AMMECR1: variants seen among roughly 807,000 people sequenced by gnomAD.
AMMECR1 encodes the protein nuclear protein AMMECR1.
Under a neutral mutation model 22.5 loss-of-function variants are expected in AMMECR1, and 3 were observed. The observed-to-expected ratio is 0.13, with a 90% CI of 0.06 to 0.35. The LOEUF is 0.35. Among genes scored for constraint, AMMECR1 ranks in the 10% least tolerant of loss-of-function variants. AMMECR1 has a pLI of 1.00. For synonymous variants in AMMECR1, 130 were observed against 116.7 expected (o/e 1.11, Z -0.74); for missense variants, 235 against 278.7 (o/e 0.84, Z 1.12).
At chrX:110,324,685 T>A (rs1278841471) in intron 2 of AMMECR1, among the ~76,000 whole-genome samples, 2 of 109,192 alleles carry the variant, frequency 1.8e-5, no homozygotes, top group Non-Finnish European at 3.8e-5. Context: ...ACAGGTTGGA[T>A]TTTTTGTCAA....
intron 2 of AMMECR1, among the ~76,000 whole-genome samples, chrX:110,397,977 C>T (rs1456166355): frequency 1.8e-5 from 2 of 112,324 alleles, no homozygotes; most frequent in Admixed American, 9.4e-5. Flanking sequence ...AGCACGAACC[C>T]GCTTCCTTGA....
chrX:110,254,382 G>T (rs1161782718), intron 2 of AMMECR1, among the ~76,000 whole-genome samples: 1 of 111,305 alleles, frequency 9.0e-6, no homozygotes, highest in Non-Finnish European at 1.9e-5. Flanking sequence ...GAATTTAACA[G>T]CAAATAAAAT....
intron 2 of AMMECR1, among the ~76,000 whole-genome samples, chrX:110,342,314 G>C (rs776562436): frequency 2.0e-4 from 22 of 111,324 alleles, no homozygotes; most frequent in African/African-American, 6.5e-4. Context: ...AATGTATAAA[G>C]AGCCTTTTAG....
At chrX:110,290,821 C>G (rs2067904260) in intron 1 of AMMECR1, among the ~76,000 whole-genome samples, 1 of 111,464 alleles carries the variant, frequency 9.0e-6, no homozygotes, top group Admixed American at 9.5e-5. Flanking sequence ...TGCAATGTCA[C>G]AAGTTCTACT....
At chrX:110,311,513 G>GTTTT (rs922178296) in intron 1 of AMMECR1, among the ~76,000 whole-genome samples, 1 of 109,417 alleles carries the variant, frequency 9.1e-6, no homozygotes, top group East Asian at 2.8e-4. Context: ...CAAAAACAGG[G>GTTTT]TTTTTTTTTC....
chrX:110,300,482 T>C (rs2067960358), intron 1 of AMMECR1, among the ~76,000 whole-genome samples: 1 of 112,190 alleles, frequency 8.9e-6, no homozygotes, highest in Non-Finnish European at 1.9e-5. Flanking sequence ...GACATGCCCA[T>C]TTGTTTCTAA....
intron 2 of AMMECR1, among the ~76,000 whole-genome samples, chrX:110,388,104 T>C (rs2068470351): frequency 9.0e-6 from 1 of 111,029 alleles, no homozygotes; most frequent in Non-Finnish European, 1.9e-5. Context: ...CCTGACCTCA[T>C]GATCTGCCCG....
chrX:110,283,133 A>C (rs1231957138), intron 1 of AMMECR1, among the ~76,000 whole-genome samples: 1 of 112,347 alleles, frequency 8.9e-6, no homozygotes, highest in African/African-American at 3.2e-5. Context: ...GTCCACAAGG[A>C]AAAGGAAATT....
intron 2 of AMMECR1, among the ~76,000 whole-genome samples, chrX:110,340,435 T>A (rs186282894): frequency 1.8e-5 from 2 of 112,042 alleles, no homozygotes; most frequent in Admixed American, 1.9e-4. Flanking sequence ...CACCAGAACA[T>A]AAGCCTGCCT....
At chrX:110,269,826 C>A (rs2067789664) in intron 1 of AMMECR1, among the ~76,000 whole-genome samples, 1 of 111,830 alleles carries the variant, frequency 8.9e-6, no homozygotes, top group Non-Finnish European at 1.9e-5. Flanking sequence ...AGATTCAATT[C>A]ATAAAAACAT....
intron 1 of AMMECR1, among the ~76,000 whole-genome samples, chrX:110,301,707 C>A (rs1013847386): frequency 1.8e-5 from 2 of 111,350 alleles, no homozygotes; most frequent in Non-Finnish European, 3.8e-5. Context: ...TCTTAAGAAG[C>A]TGGCACTATA....
intron 1 of AMMECR1, among the ~76,000 whole-genome samples, chrX:110,278,622 C>T (rs1396306211): frequency 1.8e-5 from 2 of 111,927 alleles, no homozygotes; most frequent in African/African-American, 6.5e-5. Context: ...GGACCACACT[C>T]CCTAGGAAGA....
Position 110,214,262 on chromosome X carries a change from C to T in AMMECR1, c.699+2256G>A, listed in dbSNP as rs748496799. Among the ~76,000 whole-genome samples, 584 of 102,141 alleles carry T rather than the reference C, an allele frequency of 5.7e-3. 7 individuals carry two copies. Among genetic ancestry groups the T allele is most frequent in the African/African-American group, 0.02 (551 of 27,577 alleles). 88.7% of individuals were successfully genotyped at this position (102,141 alleles called of 115,157 possible). ...TGGGCGACTGAGCGAGACTCTGTCT[C>T]GAAAAAAAAAAAAAGTGTATTTTTT... On this transcript the variant is annotated intron_variant, in intron 3 of 5. Transcript: ENST00000262844.
chrX:110,388,710 C>T (rs1396130656), intron 2 of AMMECR1, among the ~76,000 whole-genome samples: 1 of 112,054 alleles, frequency 8.9e-6, no homozygotes, highest in African/African-American at 3.2e-5. Flanking sequence ...TGAGTGGGGT[C>T]CACAAATATG....
At chrX:110,429,077 A>T (rs1451292026) in intron 1 of AMMECR1, among the ~76,000 whole-genome samples, 2 of 111,592 alleles carry the variant, frequency 1.8e-5, no homozygotes, top group Admixed American at 9.5e-5. Context: ...TTCCCTGTAG[A>T]TCCACCCTGT....
chrX:110,296,938 T>C (rs946309825), intron 1 of AMMECR1, among the ~76,000 whole-genome samples: 1 of 111,348 alleles, frequency 9.0e-6, no homozygotes, highest in African/African-American at 3.3e-5. Flanking sequence ...GTTTTAATTT[T>C]TTTTAGTTGA....
chrX:110,268,214 T>G (rs1368209466), intron 1 of AMMECR1, among the ~76,000 whole-genome samples: 1 of 112,163 alleles, frequency 8.9e-6, no homozygotes, highest in East Asian at 2.8e-4. Flanking sequence ...ATACTCTCCC[T>G]GATCCTTACC....
intron 5 of AMMECR1, among the ~76,000 whole-genome samples, chrX:110,200,480 A>AT (rs965941956): frequency 5.8e-4 from 65 of 111,738 alleles, no homozygotes; most frequent in Middle Eastern, 4.6e-3. Flanking sequence ...AAGCATCCCT[A>AT]TTTTTTCATG....
At chrX:110,342,205 T>A (rs2068167402) in intron 2 of AMMECR1, among the ~76,000 whole-genome samples, 1 of 111,992 alleles carries the variant, frequency 8.9e-6, no homozygotes, top group Non-Finnish European at 1.9e-5. Flanking sequence ...TTATCATAGA[T>A]ATGTATGTAT....
Sources: gnomAD v4.1 joint callset for allele counts (sites outside exome capture counted in the v4.1 genomes callset) on GRCh38, gnomAD v4.1.1 for gene constraint, MANE v1.5 for transcripts, NCBI Gene and HGNC (gene_info 2026-07-23, HGNC 2026-07-21) for gene names.